Variants in CCL22 observed in about 807,000 individuals in gnomAD.
The protein encoded by CCL22 is C-C motif chemokine 22.
CCL22 carries 7 observed loss-of-function variants against 7.6 expected under a neutral mutation model. The observed-to-expected ratio is 0.92, with a 90% CI of 0.52 to 1.72. The LOEUF is 1.72. Among genes scored for constraint, CCL22 ranks in the 40% most tolerant of loss-of-function variants. The pLI, the probability that CCL22 is intolerant of heterozygous loss-of-function variation, is 0.00. For synonymous variants in CCL22, 55 were observed against 47.2 expected, an observed-to-expected ratio of 1.17 and a Z score of -0.68; for missense variants, 115 against 124.7, an observed-to-expected ratio of 0.92 and a Z score of 0.37.
intron 1 of CCL22, 49 bp downstream of exon 1, chr16:57,358,938 TG>T: frequency 7.2e-7 from 1 of 1,391,804 alleles, no homozygotes; most frequent in Non-Finnish European, 1.0e-6. Flanking sequence ...GGGCAGACGG[TG>T]GGGTGTCTTC....
In CCL22 at chr16:57,364,975, G is replaced by A. The variant is rs1254966508; in HGVS notation, c.*1387G>A. 6.6e-6 allele frequency: 1 copy of A among 150,824 alleles called. No individual in the cohort carries two copies. The allele number at this position is 150,824 out of a possible 1,614,324, so 9.3% of individuals were successfully genotyped here. ...GTGCCACTACGGCTGGCTAATTTTT[G>A]TATTTTTAGTAGAGACAGGTTTCAC... is the stretch of plus-strand genomic sequence containing the variant. On this transcript the variant is annotated 3_prime_UTR_variant, in exon 3 of 3. Coordinates refer to ENST00000219235, the MANE Select transcript of CCL22 (RefSeq NM_002990.5).
At position 57,358,827 on chromosome 16, in the gene CCL22, T is replaced by C; in HGVS notation, c.11T>C (p.Leu4Pro). MDR[L>P]QTALLVVLVL... ...CATACAGGACAGAGCATGGATCGCCTACAGACTGCACTCCTGGTTGTCCTC... is the reference window on the plus strand; with the variant it reads ...CATACAGGACAGAGCATGGATCGCCCACAGACTGCACTCCTGGTTGTCCTC... The change falls in exon 1 of 3, where the codon CTA becomes CCA. Residue 4 changes from leucine to proline, a missense_variant. Transcript: ENST00000219235. The C allele has an allele frequency of 6.2e-7, 1 of 1,613,688 alleles. No individual in the cohort carries two copies. Among genetic ancestry groups the C allele is most frequent in the Non-Finnish European group, 8.5e-7 (1 of 1,179,604 alleles).
rs767640736 is a variant in CCL22, at chr16:57,358,966, G to A, written c.73+77G>A. 9.2e-4 allele frequency: 1,054 copies of A among 1,143,802 alleles called. 3 individuals are homozygous for A. Among genetic ancestry groups the A allele is most frequent in the Non-Finnish European group, 1.2e-3 (902 of 754,530 alleles). 70.9% of individuals were successfully genotyped at this position (1,143,802 alleles called of 1,614,324 possible). A position where few individuals can be genotyped will look rare whatever the true frequency, so the allele number is the denominator to read the frequency against. ...GGTGTCTTCCTCATGTCTTGGACAAGCACTGGACCAAGAGCAGAAGACCTC... is the reference window on the plus strand; with the variant it reads ...GGTGTCTTCCTCATGTCTTGGACAAACACTGGACCAAGAGCAGAAGACCTC... On this transcript the variant is annotated intron_variant, in intron 1 of 2. Transcript: ENST00000219235.
upstream of CCL22, among the ~76,000 whole-genome samples, chr16:57,358,062 C>A (rs903258173): frequency 2.6e-5 from 4 of 152,108 alleles, no homozygotes; most frequent in Admixed American, 2.6e-4. Flanking sequence ...GTGGAGGTGG[C>A]CTGGACTGGG....
At chr16:57,358,271 C>T (rs1902009177), upstream of CCL22, among the ~76,000 whole-genome samples, 1 of 152,152 alleles carries the variant, frequency 6.6e-6, no homozygotes, top group Admixed American at 6.5e-5. Context: ...CGACCTGGCC[C>T]AAATGTGGAC....
intron 2 of CCL22, among the ~76,000 whole-genome samples, chr16:57,362,215 G>C (rs1236416013): frequency 6.6e-6 from 1 of 152,116 alleles, no homozygotes; most frequent in Non-Finnish European, 1.5e-5. Flanking sequence ...TCAATTGCTG[G>C]GCATGTAGTG....
At chr16:57,360,235 C>T (rs1336000390) in intron 1 of CCL22, among the ~76,000 whole-genome samples, 1 of 152,192 alleles carries the variant, frequency 6.6e-6, no homozygotes, top group Non-Finnish European at 1.5e-5. Context: ...AGAGTGTAGA[C>T]ATTGGACCCT....
At chr16:57,362,901 C>T (rs1303414716) in intron 2 of CCL22, among the ~76,000 whole-genome samples, 1 of 151,786 alleles carries the variant, frequency 6.6e-6, no homozygotes, top group African/African-American at 2.4e-5. Context: ...AAAAACAAAA[C>T]CCAACTCTTG....
Position 57,364,193 on chromosome 16 carries a change from A to G in CCL22, c.*605A>G, listed in dbSNP as rs1487042487. On this transcript the variant is annotated 3_prime_UTR_variant, in exon 3 of 3. Transcript: ENST00000219235. ...GTCACAGTCTCCGCAGATTCTTGGG[A>G]TTTGGGGGTTTTCTCCCCCACCTCT... The G allele has an allele frequency of 6.5e-6, 1 of 153,022 alleles. No individual in the cohort carries two copies. The highest frequency in any genetic ancestry group is 1.5e-5 in the Non-Finnish European group (1 of 68,658). The allele number at this position is 153,022 out of a possible 1,614,324, so 9.5% of individuals were successfully genotyped here.
At chr16:57,363,306 A>C (rs1902068990) in intron 2 of CCL22, among the ~76,000 whole-genome samples, 198 bp from the exon 3 acceptor site, 1 of 152,066 alleles carries the variant, frequency 6.6e-6, no homozygotes, top group Non-Finnish European at 1.5e-5. Flanking sequence ...CCTCCTGAGA[A>C]ATATTCTTTT....
At position 57,363,536 on chromosome 16, in the gene CCL22, C is replaced by T; in HGVS notation, c.230C>T (p.Ala77Val). The T allele has an allele frequency of 6.2e-7, 1 of 1,613,392 alleles. No individual in the cohort carries two copies. The highest frequency in any genetic ancestry group is 8.5e-7 in the Non-Finnish European group (1 of 1,179,518). Residue 77 changes from alanine (A) to valine (V), a missense_variant, in exon 3 of 3, where the codon GCC becomes GTC. Ala to Val is a moderately conservative substitution (Grantham distance 64). Coordinates refer to ENST00000219235, the MANE Select transcript of CCL22 (RefSeq NM_002990.5). The part of the protein sequence containing the change: ...LLTFRDKEIC[A>V]DPRVPWVKMI... The stretch of plus-strand genomic sequence containing the variant: ...ACCTTCAGGGATAAGGAGATCTGTG[C>T]CGATCCCAGAGTGCCCTGGGTGAAG...
At chr16:57,358,726 AGT>A (rs1902015593), upstream of CCL22, 1 of 949,636 alleles carries the variant, frequency 1.1e-6, no homozygotes. Context: ...GAGGTAAGTA[AGT>A]GAGGCTTGTG....
chr16:57,361,315 G>A (rs958192682), intron 2 of CCL22, among the ~76,000 whole-genome samples: 2 of 150,144 alleles, frequency 1.3e-5, no homozygotes, highest in African/African-American at 4.9e-5. Context: ...TCCTCTCCAG[G>A]CTCCCAGAAG....
rs752921552 is a variant in CCL22, at chr16:57,360,602, C to T, written c.197+42C>T. The T allele has an allele frequency of 1.1e-5, 18 of 1,612,342 alleles. No homozygotes were observed. The East Asian group carries it at 1.3e-4, about 12-fold the overall frequency. On this transcript the variant is annotated intron_variant, in intron 2 of 2. Transcript: ENST00000219235. ...GGCCACAGGGCCTTGGTGGGCCTGA[C>T]GGGTACAGCCTGGGATGGCCCAGGT... is the stretch of plus-strand genomic sequence containing the variant.
In CCL22 at chr16:57,363,605, ACCGTGGCCTTGGCTCCTCCAGGAAGG is replaced by A. The variant is rs1455898839; in HGVS notation, c.*19_*44del. ...AGCCAATGAAGAGCCTACTCTGATG[ACCGTGGCCTTGGCTCCTCCAGGAAGG>A]CTCAGGAGCCCTACCTCCCTGCCAT... On this transcript the variant is annotated 3_prime_UTR_variant, in exon 3 of 3. Transcript: ENST00000219235. 2.5e-5 allele frequency: 40 copies of A among 1,581,904 alleles called. No individual in the cohort carries two copies. Among genetic ancestry groups the A allele is most frequent in the Non-Finnish European group, 3.1e-5 (36 of 1,151,084 alleles).
At position 57,360,509 on chromosome 16, in the gene CCL22, T is replaced by A. The variant is rs1301718037; in HGVS notation, c.146T>A (p.Val49Glu). 8.1e-6 allele frequency: 13 copies of A among 1,614,192 alleles called. No individual in the cohort carries two copies. The highest frequency in any genetic ancestry group is 1.0e-5 in the Non-Finnish European group (12 of 1,180,022). Residue 49 changes from valine to glutamate, a missense_variant, in exon 2 of 3, where the codon GTG (valine) becomes GAG (glutamate). Val to Glu is a moderately radical substitution (Grantham distance 121). Transcript: ENST00000219235. ...GTCCGTTACCGTCTGCCCCTGCGCG[T>A]GGTGAAACACTTCTACTGGACCTCA... ...DYVRYRLPLRVVKHFYWTSDS... is the reference protein window; with the variant it reads ...DYVRYRLPLREVKHFYWTSDS...
Sources: gnomAD v4.1 joint callset for allele counts (sites outside exome capture counted in the v4.1 genomes callset) on GRCh38, gnomAD v4.1.1 for gene constraint, MANE v1.5 for transcripts, NCBI Gene and HGNC (gene_info 2026-07-23, HGNC 2026-07-21) for gene names.